ZMYM5: variants seen among roughly 807,000 people sequenced by gnomAD.
ZMYM5 encodes zinc finger MYM-type protein 5.
A neutral mutation model predicts 61.8 loss-of-function variants in ZMYM5; 41 were observed. That is an observed-to-expected ratio of 0.66 (90% CI 0.52 to 0.86). The LOEUF is 0.86. Ranked by LOEUF, ZMYM5 falls within the 40% of genes least tolerant of loss-of-function variation. The pLI is 0.00. For synonymous variants in ZMYM5, 257 were observed against 276.4 expected, an observed-to-expected ratio of 0.93 and a Z score of 0.70; for missense variants, 706 against 786.7, an observed-to-expected ratio of 0.90 and a Z score of 1.23.
intron 7 of ZMYM5, among the ~76,000 whole-genome samples, chr13:19,831,778 ACT>A (rs1322953465): frequency 3.4e-5 from 3 of 87,542 alleles, no homozygotes; most frequent in African/African-American, 4.5e-5. Flanking sequence ...ACAGAGAGAG[ACT>A]CTGTCTCAAA....
In ZMYM5 at chr13:19,838,715, CT is replaced by C; in HGVS notation, c.856del (p.Ser286AlafsTer2). The part of the protein sequence containing the change: ...FSHKRTQNTR[S>X]IICKKDASTK... The stretch of plus-strand genomic sequence containing the variant: ...TACTGCTTACTTTTTACATATTATG[CT>C]TCGTGTGTTTTGAGTACGTTTATGA... On this transcript the variant is annotated frameshift_variant, in exon 5 of 8. Transcript: ENST00000337963. LOFTEE classifies it high-confidence loss of function. The C allele has an allele frequency of 6.2e-7, 1 of 1,614,124 alleles. No homozygotes were observed. The highest frequency in any genetic ancestry group is 1.1e-5 in the South Asian group (1 of 91,084).
chr13:19,860,472 ATT>A (rs746530825), intron 2 of ZMYM5, among the ~76,000 whole-genome samples: 1 of 118,190 alleles, frequency 8.5e-6, no homozygotes, highest in Admixed American at 8.0e-5. Context: ...GTGTGTGTGT[ATT>A]TTTTTTTTTG....
In ZMYM5 at chr13:19,824,270, C is replaced by T. The variant is rs777255584; in HGVS notation, c.*207G>A. The T allele has an allele frequency of 4.8e-6, 1 of 207,484 alleles. No homozygotes were observed. Among genetic ancestry groups the T allele is most frequent in the Non-Finnish European group, 8.9e-6 (1 of 112,890 alleles). The allele number at this position is 207,484 out of a possible 1,614,324, so 12.9% of individuals were successfully genotyped here. On this transcript the variant is annotated 3_prime_UTR_variant, in exon 8 of 8. Transcript: ENST00000337963. ...TCTTCATTGCCTAATGAAGTCATTG[C>T]CTAATGATGATTGAATCTAATTAGT... is the stretch of plus-strand genomic sequence containing the variant.
At chr13:19,856,439 G>A (rs891377356) in intron 2 of ZMYM5, among the ~76,000 whole-genome samples, 1 of 151,810 alleles carries the variant, frequency 6.6e-6, no homozygotes, top group Non-Finnish European at 1.5e-5. Context: ...TTGGGAGTTC[G>A]AGACCAGCCT....
chr13:19,854,918 G>A (rs1247577822), intron 2 of ZMYM5, among the ~76,000 whole-genome samples: 1 of 152,130 alleles, frequency 6.6e-6, no homozygotes, highest in Non-Finnish European at 1.5e-5. Context: ...AATGCATGTG[G>A]AAAACAATTG....
chr13:19,825,287 A>T, intron 7 of ZMYM5, 52 bp from the exon 8 acceptor site: 1 of 1,181,278 alleles, frequency 8.5e-7, no homozygotes, highest in Non-Finnish European at 1.1e-6. Flanking sequence ...TTTAAAAATT[A>T]ATGTATATTC....
intron 7 of ZMYM5, among the ~76,000 whole-genome samples, chr13:19,826,467 GAC>G (rs1890921871): frequency 6.6e-6 from 1 of 151,992 alleles, no homozygotes; most frequent in African/African-American, 2.4e-5. Flanking sequence ...AAAATATATG[GAC>G]ACACAGGCCA....
At chr13:19,860,314 CAG>C (rs1407434786) in intron 2 of ZMYM5, among the ~76,000 whole-genome samples, 2 of 143,330 alleles carry the variant, frequency 1.4e-5, no homozygotes, top group Non-Finnish European at 3.0e-5. Flanking sequence ...TTTTTTGAGA[CAG>C]AGTTTTGCTC....
chr13:19,835,797 T>A, intron 6 of ZMYM5, 108 bp from the exon 7 acceptor site: 1 of 768,834 alleles, frequency 1.3e-6, no homozygotes, highest in Non-Finnish European at 1.9e-6. Context: ...CCTAATCATA[T>A]CTCAGAGGAA....
intron 2 of ZMYM5, among the ~76,000 whole-genome samples, chr13:19,859,328 AC>A (rs1390620707): frequency 1.3e-5 from 2 of 152,138 alleles, no homozygotes; most frequent in Non-Finnish European, 2.9e-5. Flanking sequence ...CCAGAAGATC[AC>A]CCGCAAGCTT....
At chr13:19,851,595 A>G (rs1408435776) in intron 3 of ZMYM5, 94 bp downstream of exon 3, 1 of 1,541,410 alleles carries the variant, frequency 6.5e-7, no homozygotes, top group African/African-American at 1.4e-5. Context: ...GCATTCACAG[A>G]GCTTATACCT....
chr13:19,839,331 T>C (rs1952783620), intron 4 of ZMYM5, among the ~76,000 whole-genome samples: 1 of 152,044 alleles, frequency 6.6e-6, no homozygotes, highest in Admixed American at 6.6e-5. Context: ...CAGAGTGCTA[T>C]GAAGAACACA....
chr13:19,835,350 G>C (rs1401477721), intron 7 of ZMYM5, 127 bp downstream of exon 7: 1 of 662,628 alleles, frequency 1.5e-6, no homozygotes. Flanking sequence ...TATTTGAGAT[G>C]GGACAAACCA....
At chr13:19,830,706 T>G (rs1465938069) in intron 7 of ZMYM5, among the ~76,000 whole-genome samples, 1 of 151,940 alleles carries the variant, frequency 6.6e-6, no homozygotes, top group Admixed American at 6.6e-5. Flanking sequence ...GCTAATTTTT[T>G]GTAGAGACAG....
intron 7 of ZMYM5, among the ~76,000 whole-genome samples, chr13:19,830,844 T>C (rs939413598): frequency 2.8e-5 from 4 of 144,274 alleles, no homozygotes; most frequent in Middle Eastern, 4.2e-3. Context: ...TTTTTCTTTT[T>C]TTTTTTTTTT....
At chr13:19,855,349 G>A (rs1490642927) in intron 2 of ZMYM5, among the ~76,000 whole-genome samples, 1 of 151,452 alleles carries the variant, frequency 6.6e-6, no homozygotes, top group Admixed American at 6.6e-5. Context: ...TGCAAGCTCC[G>A]CCTGCCAGGT....
chr13:19,860,448 ATGTG>A (rs1205444485), intron 2 of ZMYM5, among the ~76,000 whole-genome samples: 6 of 141,524 alleles, frequency 4.2e-5, no homozygotes, highest in African/African-American at 1.1e-4. Context: ...GTGTGTGTGT[ATGTG>A]TGTGTGTGTG....
chr13:19,861,839 TGTC>T (rs1953775708), intron 2 of ZMYM5, among the ~76,000 whole-genome samples: 1 of 149,740 alleles, frequency 6.7e-6, no homozygotes, highest in South Asian at 2.1e-4. Flanking sequence ...CATAGATCAC[TGTC>T]TAGTAGCAAA....
rs548207809 is a variant in ZMYM5, at chr13:19,838,104, CAGT to C, written c.873-286_873-284del. Among the ~76,000 whole-genome samples the C allele has an allele frequency of 4.6e-4, 70 of 152,176 alleles. 1 individual carries two copies. The highest frequency in any genetic ancestry group is 1.6e-3 in the African/African-American group (65 of 41,534). The stretch of plus-strand genomic sequence containing the variant: ...AAAAATGCTGGTAATAGGCTGGGCA[CAGT>C]AGCTCACACCTGTAATTCCAGCACT... On this transcript the variant is annotated intron_variant, in intron 5 of 7. Transcript: ENST00000337963.
Sources: gnomAD v4.1 joint callset for allele counts (sites outside exome capture counted in the v4.1 genomes callset) on GRCh38, gnomAD v4.1.1 for gene constraint, MANE v1.5 for transcripts, NCBI Gene and HGNC (gene_info 2026-07-23, HGNC 2026-07-21) for gene names.